NRXN3: variants seen among roughly 807,000 people sequenced by gnomAD.
The protein encoded by NRXN3 is neurexin 3, also known as neurexin III.
In NRXN3, 32 loss-of-function variants were observed where a neutral mutation model predicts 137.6. The ratio of observed to expected loss-of-function variants is 0.23; its 90% CI spans 0.18 to 0.31. NRXN3 has a LOEUF of 0.31. Ranked by LOEUF, NRXN3 falls within the 10% of genes least tolerant of loss-of-function variation. The probability of loss-of-function intolerance (pLI) is 1.00; values close to 1 mark genes in which losing one functional copy is unlikely to be tolerated. For synonymous variants in NRXN3, 798 were observed against 784.5 expected, an observed-to-expected ratio of 1.02 and a Z score of -0.29; for missense variants, 1,574 against 2,062.5, an observed-to-expected ratio of 0.76 and a Z score of 4.59.
At chr14:78,313,618 A>G (rs61976025) in intron 4 of NRXN3, among the ~76,000 whole-genome samples, 3,728 of 152,276 alleles carry the variant, frequency 0.024, 57 homozygotes, top group South Asian at 0.033. Flanking sequence ...TAGCAGCAGA[A>G]CCAAGATAAA....
intron 15 of NRXN3, among the ~76,000 whole-genome samples, chr14:79,085,975 T>C (rs2048018014): frequency 6.6e-6 from 1 of 152,174 alleles, no homozygotes; most frequent in South Asian, 2.1e-4. Flanking sequence ...TCATCTCTCA[T>C]TTGAGCTGGA....
At chr14:79,674,812 T>A (rs981583867) in intron 17 of NRXN3, among the ~76,000 whole-genome samples, 7 of 152,082 alleles carry the variant, frequency 4.6e-5, no homozygotes, top group African/African-American at 1.7e-4. Context: ...TAGATTTGTT[T>A]TCATTTTAAT....
intron 4 of NRXN3, among the ~76,000 whole-genome samples, chr14:78,590,872 A>G (rs1476580785): frequency 6.6e-6 from 1 of 152,156 alleles, no homozygotes; most frequent in African/African-American, 2.4e-5. Flanking sequence ...CACTCCAGCC[A>G]GGGAGACAGA....
intron 4 of NRXN3, among the ~76,000 whole-genome samples, chr14:78,414,073 G>A (rs1421156876): frequency 2.0e-5 from 3 of 152,154 alleles, no homozygotes; most frequent in Non-Finnish European, 2.9e-5. Flanking sequence ...TGCCATGATA[G>A]TGAGGCCTCC....
intron 15 of NRXN3, among the ~76,000 whole-genome samples, chr14:79,371,656 C>T (rs1218236508): frequency 3.9e-5 from 6 of 152,154 alleles, no homozygotes; most frequent in Admixed American, 2.6e-4. Context: ...GCCCTCACTT[C>T]ACAGGCACGG....
intron 15 of NRXN3, among the ~76,000 whole-genome samples, chr14:79,343,626 T>C (rs1486587583): frequency 6.6e-6 from 1 of 152,154 alleles, no homozygotes; most frequent in African/African-American, 2.4e-5. Flanking sequence ...TCTCAAATGT[T>C]GGCCAACAAC....
At chr14:78,404,492 T>C (rs1240681213) in intron 4 of NRXN3, among the ~76,000 whole-genome samples, 1 of 152,118 alleles carries the variant, frequency 6.6e-6, no homozygotes, top group African/African-American at 2.4e-5. Context: ...GTCGGCTTTC[T>C]TGGGGGCAAG....
At position 78,928,406 on chromosome 14, in the gene NRXN3, C is replaced by T. The variant is rs184076472; in HGVS notation, c.2276-28836C>T. 3.6e-4 allele frequency among the ~76,000 whole-genome samples: 55 copies of T among 152,112 alleles called. No individual in the cohort carries two copies. In the East Asian group the frequency reaches 8.7e-3, roughly 24 times the overall value. On this transcript the variant is annotated intron_variant, in intron 10 of 20. Transcript: ENST00000335750. Reference sequence around the variant, plus strand: ...TGTTGGTGTGCCGCACCCAGTAACTCGTCATTTAACATTAGGTATATCTCC... The same window carrying T: ...TGTTGGTGTGCCGCACCCAGTAACTTGTCATTTAACATTAGGTATATCTCC...
At chr14:79,620,514 CATTGGAGTACA>C (rs1446218344) in intron 16 of NRXN3, among the ~76,000 whole-genome samples, 1 of 152,038 alleles carries the variant, frequency 6.6e-6, no homozygotes, top group Admixed American at 6.6e-5. Context: ...AAGGTAGTGG[CATTGGAGTACA>C]ATAAAAAGAT....
At chr14:78,750,741 C>T (rs1021956239) in intron 8 of NRXN3, among the ~76,000 whole-genome samples, 1 of 151,798 alleles carries the variant, frequency 6.6e-6, no homozygotes. Context: ...TAGGCAAAAA[C>T]CCCCAAACAA....
intron 15 of NRXN3, among the ~76,000 whole-genome samples, chr14:79,446,016 G>A (rs909275731): frequency 1.3e-5 from 2 of 152,144 alleles, no homozygotes; most frequent in Non-Finnish European, 2.9e-5. Flanking sequence ...TTAAATGAAA[G>A]TTCACTATAT....
chr14:78,528,195 A>C (rs1210457524), intron 4 of NRXN3, among the ~76,000 whole-genome samples: 3 of 152,218 alleles, frequency 2.0e-5, no homozygotes. Flanking sequence ...AGAGGTTTTC[A>C]TCTTATCACA....
chr14:78,719,545 A>C (rs903656184), intron 8 of NRXN3, among the ~76,000 whole-genome samples: 12 of 152,212 alleles, frequency 7.9e-5, no homozygotes, highest in African/African-American at 2.9e-4. Flanking sequence ...ATAAGAAAAT[A>C]GTAGGGTTGG....
intron 6 of NRXN3, among the ~76,000 whole-genome samples, chr14:78,652,805 T>C (rs748322056): frequency 1.1e-4 from 16 of 152,240 alleles, no homozygotes; most frequent in Non-Finnish European, 1.9e-4. Flanking sequence ...ACCTTTTTTG[T>C]GCTGTAACTA....
chr14:78,664,763 T>G (rs1567008903), intron 6 of NRXN3, among the ~76,000 whole-genome samples: 1 of 152,246 alleles, frequency 6.6e-6, no homozygotes, highest in Non-Finnish European at 1.5e-5. Context: ...TTCATATGTT[T>G]CCTCAATAGA....
At position 79,861,888 on chromosome 14, in the gene NRXN3, T is replaced by C; in HGVS notation, c.4640T>C (p.Leu1547Pro). 6.2e-7 allele frequency: 1 copy of C among 1,613,904 alleles called. No individual in the cohort carries two copies. Among genetic ancestry groups the C allele is most frequent in the Non-Finnish European group, 8.5e-7 (1 of 1,179,964 alleles). Reference protein sequence around the residue: ...ISNSAQSNGTLMKEKQQSSKS... With the variant: ...ISNSAQSNGTPMKEKQQSSKS... ...AACTCCGCCCAGAGCAACGGCACGC[T>C]CATGAAGGAGAAGCAGCAGAGCTCG... Residue 1547 changes from leucine (L) to proline (P), a missense_variant, in exon 21 of 21, where the codon CTC becomes CCC. This residue lies in a region of NRXN3 where 320 missense variants were observed against 387.1 expected (regional missense o/e 0.83). Coordinates refer to ENST00000335750, the MANE Select transcript of NRXN3 (RefSeq NM_001330195.2). This position sits in a 1 kb window ranked among gnomAD's most constrained non-coding sequence, Gnocchi z 5.4.
rs989913390 is a variant in NRXN3 at position 79,359,558 on chromosome 14, G to A, written c.3263-107663G>A. Among the ~76,000 whole-genome samples, 6 of 138,690 alleles carry A rather than the reference G, an allele frequency of 4.3e-5. No individual in the cohort carries two copies. The East Asian group carries it at 6.7e-4, about 15-fold the overall frequency. 91.0% of individuals were successfully genotyped at this position (138,690 alleles called of 152,430 possible). A position where few individuals can be genotyped will look rare whatever the true frequency, so the allele number is the denominator to read the frequency against. On this transcript the variant is annotated intron_variant, in intron 15 of 20. Coordinates refer to ENST00000335750, the MANE Select transcript of NRXN3 (RefSeq NM_001330195.2). ...TTACTCTTTATCAGAGCAAACATCC[G>A]TAACATTTAGTCTTTTTTTTTTTTT...
intron 15 of NRXN3, among the ~76,000 whole-genome samples, chr14:79,278,522 G>A (rs942908789): frequency 6.6e-6 from 1 of 152,226 alleles, no homozygotes; most frequent in African/African-American, 2.4e-5. Context: ...GCGCCCAGGG[G>A]ACTTCACCCA....
intron 10 of NRXN3, among the ~76,000 whole-genome samples, chr14:78,913,274 C>CTTT (rs1157942892): frequency 0.023 from 1,079 of 47,596 alleles, 43 homozygotes; most frequent in African/African-American, 0.058. Flanking sequence ...TTCTTTCTTT[C>CTTT]TTTTTTTTTT....
Sources: gnomAD v4.1 joint callset for allele counts (sites outside exome capture counted in the v4.1 genomes callset) on GRCh38, gnomAD v4.1.1 for gene constraint, gnomAD v4.1.1 regional missense constraint, Gnocchi (gnomAD v3.1) non-coding constraint, MANE v1.5 for transcripts, NCBI Gene and HGNC (gene_info 2026-07-23, HGNC 2026-07-21) for gene names.